Variants in ZNF385D observed in about 807,000 individuals in gnomAD.
ZNF385D encodes zinc finger protein 385D, also known as zinc finger protein 659.
ZNF385D carries 15 observed loss-of-function variants against 35.8 expected under a neutral mutation model. That is an observed-to-expected ratio of 0.42 (90% CI 0.28 to 0.64). The LOEUF (loss-of-function observed/expected upper bound fraction) is 0.64. Ranked by LOEUF, ZNF385D falls within the 30% of genes least tolerant of loss-of-function variation. The probability of loss-of-function intolerance (pLI) is 0.23; values close to 1 mark genes in which losing one functional copy is unlikely to be tolerated. For missense variants in ZNF385D, 474 were observed against 494.6 expected, an observed-to-expected ratio of 0.96 and a Z score of 0.39; for synonymous variants, 212 against 186.8, an observed-to-expected ratio of 1.13 and a Z score of -1.10.
At chr3:22,308,151 G>A (rs200801780) in intron 2 of ZNF385D, among the ~76,000 whole-genome samples, 1 of 152,128 alleles carries the variant, frequency 6.6e-6, no homozygotes, top group South Asian at 2.1e-4. Flanking sequence ...AAGAATGTAC[G>A]TTATTTAAAG....
intron 2 of ZNF385D, among the ~76,000 whole-genome samples, chr3:22,219,986 C>G (rs1698153217): frequency 6.6e-6 from 1 of 151,632 alleles, no homozygotes; most frequent in African/African-American, 2.4e-5. Flanking sequence ...AGTTTCTTCT[C>G]TACCATAATT....
chr3:21,530,180 G>A (rs1001991830), intron 3 of ZNF385D, among the ~76,000 whole-genome samples: 1 of 151,982 alleles, frequency 6.6e-6, no homozygotes, highest in Non-Finnish European at 1.5e-5. Context: ...TGAGCCCCTC[G>A]CCAGAAACAA....
intron 3 of ZNF385D, among the ~76,000 whole-genome samples, chr3:22,109,870 A>C (rs946067276): frequency 3.3e-5 from 5 of 152,208 alleles, no homozygotes; most frequent in Non-Finnish European, 7.3e-5. Flanking sequence ...AAATTTTTGC[A>C]ATCTACTCAT....
At chr3:21,595,477 A>G (rs2064102922) in intron 2 of ZNF385D, among the ~76,000 whole-genome samples, 1 of 149,064 alleles carries the variant, frequency 6.7e-6, no homozygotes, top group Non-Finnish European at 1.5e-5. Context: ...ATATAATTAT[A>G]TATGTTTATG....
At chr3:21,532,765 A>C (rs1207127522) in intron 3 of ZNF385D, among the ~76,000 whole-genome samples, 2 of 151,814 alleles carry the variant, frequency 1.3e-5, no homozygotes, top group Non-Finnish European at 2.9e-5. Context: ...TCATTTTAGC[A>C]TATATAGAGT....
chr3:22,248,784 G>A lies in ZNF385D; in HGVS notation c.107-79749C>T, dbSNP rs189401357. Among the ~76,000 whole-genome samples, 5 of 152,098 alleles carry A rather than the reference G, an allele frequency of 3.3e-5. No individual in the cohort carries two copies. The East Asian group carries it at 5.8e-4, about 18-fold the overall frequency. ...TGTGTCGCCTTTGTGTAGTTGTGTC[G>A]CCTCCATTTAATGCTGGAAAATGAC... is the stretch of plus-strand genomic sequence containing the variant. On this transcript the variant is annotated intron_variant, in intron 2 of 5. Coordinates refer to the ZNF385D transcript ENST00000494108.
At chr3:22,164,781 T>C (rs1706205181) in intron 3 of ZNF385D, among the ~76,000 whole-genome samples, 1 of 152,096 alleles carries the variant, frequency 6.6e-6, no homozygotes, top group Non-Finnish European at 1.5e-5. Flanking sequence ...GGCTGTGTTA[T>C]GGGAAACAAA....
intron 3 of ZNF385D, among the ~76,000 whole-genome samples, chr3:21,914,640 C>G (rs71310294): frequency 6.6e-6 from 1 of 151,966 alleles, no homozygotes. Flanking sequence ...TACATTGCAT[C>G]ACTTCATTGT....
chr3:21,478,143 A>G (rs1003778261), intron 4 of ZNF385D, among the ~76,000 whole-genome samples: 2 of 152,204 alleles, frequency 1.3e-5, no homozygotes, highest in South Asian at 2.1e-4. Context: ...GTATGACTAT[A>G]GTATTCATAA....
chr3:22,323,373 A>G (rs1452756652), intron 2 of ZNF385D, among the ~76,000 whole-genome samples: 1 of 152,156 alleles, frequency 6.6e-6, no homozygotes, highest in Non-Finnish European at 1.5e-5. Flanking sequence ...TCATGATAGT[A>G]AGTAAGTAGA....
chr3:21,597,338 C>CGTAT (rs1307672467), intron 2 of ZNF385D, among the ~76,000 whole-genome samples: 1 of 150,690 alleles, frequency 6.6e-6, no homozygotes, highest in East Asian at 1.9e-4. Context: ...CTATTTTCAA[C>CGTAT]GTATGTTAAA....
intron 2 of ZNF385D, among the ~76,000 whole-genome samples, chr3:22,231,705 G>A (rs1198583447): frequency 6.6e-6 from 1 of 152,044 alleles, no homozygotes; most frequent in Non-Finnish European, 1.5e-5. Flanking sequence ...CCAATCCTGG[G>A]GCAAGGAGCA....
intron 2 of ZNF385D, among the ~76,000 whole-genome samples, chr3:22,279,771 T>A (rs1294497731): frequency 6.6e-6 from 1 of 151,850 alleles, no homozygotes; most frequent in African/African-American, 2.4e-5. Context: ...CTAATTTGTA[T>A]AATGACTTCT....
At chr3:21,762,148 A>T (rs193265889) in intron 3 of ZNF385D, among the ~76,000 whole-genome samples, 1 of 152,138 alleles carries the variant, frequency 6.6e-6, no homozygotes, top group East Asian at 1.9e-4. Context: ...AAGTGCTGGG[A>T]TTACAGGCGT....
intron 3 of ZNF385D, among the ~76,000 whole-genome samples, chr3:21,807,917 T>G (rs78668186): frequency 0.023 from 3,528 of 152,280 alleles, 138 homozygotes; most frequent in African/African-American, 0.08. Flanking sequence ...GCTAAATTTA[T>G]AGAAGGAAAT....
At chr3:21,952,210 G>T (rs1372694044) in intron 3 of ZNF385D, among the ~76,000 whole-genome samples, 1 of 151,924 alleles carries the variant, frequency 6.6e-6, no homozygotes, top group Non-Finnish European at 1.5e-5. Flanking sequence ...TGACCCCTCA[G>T]TAGGATACTC....
At chr3:22,232,423 A>C (rs539805993) in intron 2 of ZNF385D, among the ~76,000 whole-genome samples, 12 of 151,792 alleles carry the variant, frequency 7.9e-5, no homozygotes, top group Non-Finnish European at 1.6e-4. Flanking sequence ...TCTGGGATAC[A>C]TGTGCAGAAT....
chr3:21,550,569 G>A lies in ZNF385D; in HGVS notation c.276+14005C>T, dbSNP rs564650970. Among the ~76,000 whole-genome samples, 16 of 152,174 alleles carry A rather than the reference G, an allele frequency of 1.1e-4. No individual in the cohort carries two copies. The East Asian group carries it at 2.1e-3, about 20-fold the overall frequency. Reference sequence around the variant, plus strand: ...GTGATCTTGGCTTACTGCAACCTCCGCCTGCCAGGTTCAAGTGATTCTCCC... The same window carrying A: ...GTGATCTTGGCTTACTGCAACCTCCACCTGCCAGGTTCAAGTGATTCTCCC... On this transcript the variant is annotated intron_variant, in intron 3 of 7. Coordinates refer to ENST00000281523, the MANE Select transcript of ZNF385D (RefSeq NM_024697.3).
chr3:22,015,278 A>G (rs549099985), intron 3 of ZNF385D, among the ~76,000 whole-genome samples: 6 of 152,190 alleles, frequency 3.9e-5, no homozygotes, highest in African/African-American at 7.2e-5. Flanking sequence ...ATAAATACTG[A>G]TAACAGCTAA....
Sources: allele counts gnomAD v4.1 joint callset (sites outside exome capture counted in the v4.1 genomes callset), GRCh38; gene constraint gnomAD v4.1.1; transcripts MANE v1.5; gene names NCBI Gene and HGNC (gene_info 2026-07-23, HGNC 2026-07-21).